Variants in OSBPL10 observed in about 807,000 individuals in gnomAD.
The protein encoded by OSBPL10 is oxysterol binding protein like 10, also known as oxysterol-binding protein-related protein 10.
A neutral mutation model predicts 81.7 loss-of-function variants in OSBPL10; 49 were observed. The ratio of observed to expected loss-of-function variants is 0.60; its 90% confidence interval spans 0.48 to 0.76. The LOEUF (loss-of-function observed/expected upper bound fraction) is 0.76, where lower values mean the gene tolerates loss of function less well. OSBPL10 is among the 30% of genes least tolerant of loss of function. The pLI is 0.00. For synonymous variants in OSBPL10, 419 were observed against 383.6 expected (o/e 1.09, Z -1.08); for missense variants, 923 against 987.8 (o/e 0.93, Z 0.88).
chr3:31,915,243 T>C (rs1011242351), intron 1 of OSBPL10, among the ~76,000 whole-genome samples: 5 of 152,002 alleles, frequency 3.3e-5, no homozygotes, highest in African/African-American at 1.2e-4. Flanking sequence ...CTCTTATTGG[T>C]GGTTTCCTGG....
intron 7 of OSBPL10, among the ~76,000 whole-genome samples, chr3:31,684,944 G>C (rs1700754056): frequency 1.3e-5 from 2 of 152,150 alleles, no homozygotes; most frequent in South Asian, 4.1e-4. Context: ...TAGAGGCCCG[G>C]ATAACTCTGG....
Position 31,742,881 on chromosome 3 carries a change from G to A in OSBPL10, c.940+5029C>T, listed in dbSNP as rs79821299. Among the ~76,000 whole-genome samples the A allele has an allele frequency of 1.5e-3, 230 of 152,090 alleles. 1 individual carries two copies. Among genetic ancestry groups the A allele is most frequent in the African/African-American group, 5.4e-3 (223 of 41,478 alleles). ...TGCCTGCCTCTTCCCCATAGCACGG[G>A]GAAGGCACACATCTAGGCTGAAGAA... On this transcript the variant is annotated intron_variant, in intron 5 of 11. Coordinates refer to ENST00000396556, the MANE Select transcript of OSBPL10 (RefSeq NM_017784.5).
intron 1 of OSBPL10, among the ~76,000 whole-genome samples, chr3:31,927,450 A>T (rs1697107240): frequency 6.6e-6 from 1 of 152,198 alleles, no homozygotes; most frequent in Non-Finnish European, 1.5e-5. Context: ...TTGCTTGGTA[A>T]ATTTTCCAGA....
rs1254294992 is a variant in OSBPL10, at chr3:32,065,975, G to A, written n.185+11421C>T. ...AGAAAGAAAGAAAGAAAGAAAGAAA[G>A]AAAGAAAGAAAGAAAGAAAGAAAGA... is the stretch of plus-strand genomic sequence containing the variant. On this transcript the variant is annotated intron_variant and non_coding_transcript_variant, in intron 1 of 3. Coordinates refer to the OSBPL10 transcript ENST00000479173. Among the ~76,000 whole-genome samples the A allele has an allele frequency of 4.9e-5, 3 of 61,170 alleles. 1 individual carries two copies. Among genetic ancestry groups the A allele is most frequent in the African/African-American group, 1.1e-4 (3 of 26,998 alleles). 40.1% of individuals were successfully genotyped at this position (61,170 alleles called of 152,430 possible). A position where few individuals can be genotyped will look rare whatever the true frequency, so the allele number is the denominator to read the frequency against.
intron 8 of OSBPL10, among the ~76,000 whole-genome samples, chr3:31,678,782 CTG>C (rs67616509): frequency 0.08 from 10,819 of 135,382 alleles, 437 homozygotes; most frequent in South Asian, 0.14. Flanking sequence ...CAGATTCAAA[CTG>C]TGTGTGTGTG....
intron 1 of OSBPL10, among the ~76,000 whole-genome samples, chr3:31,890,640 G>A (rs1316163093): frequency 1.3e-5 from 2 of 152,252 alleles, no homozygotes; most frequent in South Asian, 2.1e-4. Flanking sequence ...GATCTATGAT[G>A]AGACTCGATC....
intron 11 of OSBPL10, chr3:31,662,896 C>T: frequency 1.0e-6 from 1 of 985,442 alleles, no homozygotes; most frequent in Non-Finnish European, 1.2e-6. Context: ...TTTACCTCAC[C>T]TGGGCAGGGC....
intron 1 of OSBPL10, among the ~76,000 whole-genome samples, chr3:31,948,798 A>T (rs1697776899): frequency 6.6e-6 from 1 of 152,260 alleles, no homozygotes; most frequent in South Asian, 2.1e-4. Flanking sequence ...ATCTGGACCA[A>T]GACATTCAAG....
At chr3:31,997,739 G>A (rs1025967412) in intron 2 of OSBPL10, among the ~76,000 whole-genome samples, 13 of 151,962 alleles carry the variant, frequency 8.6e-5, no homozygotes, top group Admixed American at 7.9e-4. Context: ...CCTCTTCCTT[G>A]TCATGGAGCA....
At chr3:31,766,579 A>T (rs1320617187) in intron 4 of OSBPL10, among the ~76,000 whole-genome samples, 1 of 151,936 alleles carries the variant, frequency 6.6e-6, no homozygotes, top group Non-Finnish European at 1.5e-5. Flanking sequence ...GCCTCAAGCA[A>T]TCTTCCTCCT....
At chr3:31,798,119 T>C (rs1328427528) in intron 4 of OSBPL10, among the ~76,000 whole-genome samples, 1 of 152,114 alleles carries the variant, frequency 6.6e-6, no homozygotes, top group Non-Finnish European at 1.5e-5. Flanking sequence ...CCACTGGAAA[T>C]GCATGCAGTA....
rs1358478560 is a variant in OSBPL10, at chr3:31,747,893, G to C, written c.940+17C>G. The C allele has an allele frequency of 6.2e-7, 1 of 1,611,522 alleles. No individual in the cohort carries two copies. The highest frequency in any genetic ancestry group is 1.7e-5 in the Admixed American group (1 of 60,016). ...GTGTACTCATCCCAAACATGGACAA[G>C]CCCCCGGGGGTCTTACCCGAGGCTC... is the stretch of plus-strand genomic sequence containing the variant. On this transcript the variant is annotated intron_variant, in intron 5 of 11. Coordinates refer to ENST00000396556, the MANE Select transcript of OSBPL10 (RefSeq NM_017784.5).
intron 1 of OSBPL10, among the ~76,000 whole-genome samples, chr3:31,979,574 G>A (rs1200814393): frequency 6.6e-6 from 1 of 152,072 alleles, no homozygotes; most frequent in African/African-American, 2.4e-5. Flanking sequence ...ACATCCTTAA[G>A]AGCCCCAAGT....
chr3:31,888,648 C>T lies in OSBPL10; in HGVS notation c.282-8818G>A, dbSNP rs113202931. On this transcript the variant is annotated intron_variant, in intron 1 of 11. Transcript: ENST00000396556. ...AAAACCACAAATAATGGGCTGGGCA[C>T]AGTGGCTCACGCCCGTAATCCCAGC... 5.1e-4 allele frequency among the ~76,000 whole-genome samples: 78 copies of T among 152,246 alleles called. 2 individuals are homozygous for T. Among genetic ancestry groups the T allele is most frequent in the African/African-American group, 1.7e-3 (71 of 41,540 alleles).
At chr3:31,673,551 T>C (rs1178492461) in intron 8 of OSBPL10, among the ~76,000 whole-genome samples, 10 of 152,096 alleles carry the variant, frequency 6.6e-5, no homozygotes, top group Admixed American at 6.5e-4. Context: ...CCCTGGACCC[T>C]GTAGAGAAGG....
At chr3:31,980,868 C>T (rs770805341) in intron 1 of OSBPL10, 31 bp downstream of exon 1, 3 of 1,536,790 alleles carry the variant, frequency 2.0e-6, no homozygotes, top group Admixed American at 2.1e-5. Flanking sequence ...CACACAGCGG[C>T]GCGCGGTGGC....
At chr3:32,045,778 G>A (rs1037782417) in intron 2 of OSBPL10, 2 of 152,222 alleles carry the variant, frequency 1.3e-5, no homozygotes, top group Non-Finnish European at 2.9e-5. Context: ...CAAAAAGCTA[G>A]GAAGGGATTT....
At chr3:31,921,510 C>G (rs1389972886) in intron 1 of OSBPL10, among the ~76,000 whole-genome samples, 3 of 151,980 alleles carry the variant, frequency 2.0e-5, no homozygotes, top group Non-Finnish European at 4.4e-5. Flanking sequence ...CCTCCGATGG[C>G]CAACAAAAAT....
chr3:32,055,168 G>A (rs1448721092), intron 1 of OSBPL10, among the ~76,000 whole-genome samples: 1 of 111,932 alleles, frequency 8.9e-6, no homozygotes, highest in Admixed American at 9.1e-5. Context: ...TCAGAACCAA[G>A]AAAACTTTTG....
Sources: gnomAD v4.1 joint callset for allele counts (sites outside exome capture counted in the v4.1 genomes callset) on GRCh38, gnomAD v4.1.1 for gene constraint, MANE v1.5 for transcripts, NCBI Gene and HGNC (gene_info 2026-07-23, HGNC 2026-07-21) for gene names.